The following FERMT2 variants were observed in gnomAD, a reference collection of about 807,000 sequenced individuals.
FERMT2 encodes the protein fermitin family homolog 2.
Under a neutral mutation model 82.7 loss-of-function variants are expected in FERMT2, and 15 were observed. The ratio of observed to expected loss-of-function variants is 0.18; its 90% CI spans 0.12 to 0.28. The LOEUF is 0.28. FERMT2 is among the 10% of genes least tolerant of loss of function. The pLI, the probability that FERMT2 is intolerant of heterozygous loss-of-function variation, is 1.00. For synonymous variants in FERMT2, 274 were observed against 271.5 expected (o/e 1.01, Z -0.09); for missense variants, 645 against 809.4 (o/e 0.80, Z 2.46).
intron 3 of FERMT2, among the ~76,000 whole-genome samples, chr14:52,903,251 TAGG>T (rs1233087757): frequency 1.3e-5 from 2 of 151,702 alleles, no homozygotes; most frequent in Non-Finnish European, 2.9e-5. Flanking sequence ...AGAACACTAT[TAGG>T]AGGCCAGGCA....
At chr14:52,901,300 A>AAAG (rs1482817559) in intron 3 of FERMT2, among the ~76,000 whole-genome samples, 1 of 148,974 alleles carries the variant, frequency 6.7e-6, no homozygotes, top group African/African-American at 2.5e-5. Flanking sequence ...AAAAAAAAAA[A>AAAG]GCCCCAGCAT....
At chr14:52,888,079 G>A (rs1886717650) in intron 4 of FERMT2, among the ~76,000 whole-genome samples, 1 of 151,842 alleles carries the variant, frequency 6.6e-6, no homozygotes, top group African/African-American at 2.4e-5. Context: ...TTTCTATGTG[G>A]CTAAATTTTC....
At position 52,919,478 on chromosome 14, in the gene FERMT2, A is replaced by C. The variant is rs145645358; in HGVS notation, c.158-122T>G. ...AATAATTAACTACTAAGTTACTGTT[A>C]TGTGACAGGTACAAAAGAAACATTA... is the stretch of plus-strand genomic sequence containing the variant. On this transcript the variant is annotated intron_variant, in intron 2 of 14. Coordinates refer to ENST00000341590, the MANE Select transcript of FERMT2 (RefSeq NM_006832.3). 487 of 663,822 alleles carry C rather than the reference A, an allele frequency of 7.3e-4. 5 individuals carry two copies. In the East Asian group the frequency reaches 9.2e-3, roughly 12 times the overall value. The allele number at this position is 663,822 out of a possible 1,614,324, so 41.1% of individuals were successfully genotyped here.
intron 3 of FERMT2, among the ~76,000 whole-genome samples, chr14:52,899,280 TTTTA>T (rs1411669607): frequency 6.8e-6 from 1 of 147,028 alleles, no homozygotes; most frequent in African/African-American, 2.6e-5. Flanking sequence ...TGATTCCAGC[TTTTA>T]TTTATTTATT....
rs2140109929 is a variant in FERMT2 at position 52,878,577 on chromosome 14, A to C, written c.963+5T>G. ...TAAGTCCCATTTACTAGACCTTTCAACTACCTGCAGGGCTGCAAACATCAT... is the reference window on the plus strand; with the variant it reads ...TAAGTCCCATTTACTAGACCTTTCACCTACCTGCAGGGCTGCAAACATCAT... On this transcript the variant is annotated splice_donor_5th_base_variant and intron_variant, in intron 7 of 14. Transcript: ENST00000341590. The C allele has an allele frequency of 6.3e-7, 1 of 1,590,426 alleles. No individual in the cohort carries two copies. Among genetic ancestry groups the C allele is most frequent in the Non-Finnish European group, 8.6e-7 (1 of 1,162,534 alleles).
intron 13 of FERMT2, chr14:52,860,084 T>G (rs1170738105): frequency 2.7e-6 from 1 of 369,090 alleles, no homozygotes; most frequent in Non-Finnish European, 4.9e-6. Flanking sequence ...CCCACAGTGC[T>G]GCGATTACAG....
chr14:52,907,762 C>G (rs2139601248), intron 3 of FERMT2, among the ~76,000 whole-genome samples: 1 of 151,500 alleles, frequency 6.6e-6, no homozygotes, highest in African/African-American at 2.4e-5. Flanking sequence ...ATAATCAAAA[C>G]AACCACCCCC....
intron 3 of FERMT2, among the ~76,000 whole-genome samples, chr14:52,900,834 A>G (rs755751087): frequency 5.3e-5 from 8 of 152,256 alleles, no homozygotes; most frequent in Non-Finnish European, 1.2e-4. Context: ...CTTTACAAAC[A>G]GAACCTGAAT....
At chr14:52,916,451 A>T (rs1357060370) in intron 3 of FERMT2, among the ~76,000 whole-genome samples, 1 of 152,228 alleles carries the variant, frequency 6.6e-6, no homozygotes, top group Non-Finnish European at 1.5e-5. Context: ...ACCAATATGA[A>T]AAGGCTACAT....
At chr14:52,879,792 TAA>T (rs892753287) in intron 6 of FERMT2, among the ~76,000 whole-genome samples, 22 of 152,130 alleles carry the variant, frequency 1.4e-4, no homozygotes, top group African/African-American at 5.3e-4. Context: ...GAAAGAGAAG[TAA>T]AAGATTCAAA....
At position 52,900,251 on chromosome 14, in the gene FERMT2, G is replaced by A. The variant is rs116882692; in HGVS notation, c.392-6824C>T. ...CTCAGCCTCCCAAAATACTGGGAAT[G>A]CAGCAGGCCTGAGCCACTACACCCA... On this transcript the variant is annotated intron_variant, in intron 3 of 14. Coordinates refer to ENST00000341590, the MANE Select transcript of FERMT2 (RefSeq NM_006832.3). 5.0e-3 allele frequency among the ~76,000 whole-genome samples: 765 copies of A among 152,102 alleles called. 4 individuals carry two copies. The highest frequency in any genetic ancestry group is 0.01 in the Middle Eastern group (3 of 294).
intron 2 of FERMT2, among the ~76,000 whole-genome samples, chr14:52,949,276 T>A (rs1890501006): frequency 1.3e-5 from 2 of 152,166 alleles, no homozygotes; most frequent in African/African-American, 4.8e-5. Context: ...GAGTGCTATT[T>A]CAGTACCTTT....
chr14:52,899,983 C>A (rs1887526999), intron 3 of FERMT2, among the ~76,000 whole-genome samples: 1 of 152,114 alleles, frequency 6.6e-6, no homozygotes. Context: ...ATAGCCATAC[C>A]AAAATACTAT....
intron 2 of FERMT2, among the ~76,000 whole-genome samples, chr14:52,927,594 A>T (rs1889354004): frequency 2.0e-5 from 2 of 98,560 alleles, no homozygotes; most frequent in Non-Finnish European, 4.4e-5. Flanking sequence ...CATCCCTATA[A>T]AAAAAAAAAA....
At chr14:52,862,444 G>C (rs765910074) in intron 12 of FERMT2, 1 of 152,310 alleles carries the variant, frequency 6.6e-6, no homozygotes, top group Non-Finnish European at 1.5e-5. Flanking sequence ...AAGGCAGGCA[G>C]ATCACTTGAG....
chr14:52,886,002 G>GT (rs1222085056), intron 4 of FERMT2, among the ~76,000 whole-genome samples: 1 of 150,092 alleles, frequency 6.7e-6, no homozygotes, highest in Non-Finnish European at 1.5e-5. Flanking sequence ...ATAAAGGGAA[G>GT]TAACACATTA....
At chr14:52,880,501 T>G (rs977502236) in intron 6 of FERMT2, among the ~76,000 whole-genome samples, 3 of 152,190 alleles carry the variant, frequency 2.0e-5, no homozygotes, top group Middle Eastern at 3.4e-3. Context: ...CAGGTTCAAG[T>G]GATTCTCCTG....
intron 10 of FERMT2, chr14:52,871,402 A>G (rs1885614580): frequency 6.7e-6 from 1 of 149,140 alleles, no homozygotes; most frequent in Non-Finnish European, 1.5e-5. Flanking sequence ...AGTGGTCCTC[A>G]GGGGATACAG....
At chr14:52,941,683 ATTAT>A (rs1426967798) in intron 2 of FERMT2, among the ~76,000 whole-genome samples, 1 of 152,250 alleles carries the variant, frequency 6.6e-6, no homozygotes, top group African/African-American at 2.4e-5. Context: ...CAGTAAAATA[ATTAT>A]TTAAATAGGA....
Sources: gnomAD v4.1 joint callset for allele counts (sites outside exome capture counted in the v4.1 genomes callset) on GRCh38, gnomAD v4.1.1 for gene constraint, MANE v1.5 for transcripts, NCBI Gene and HGNC (gene_info 2026-07-23, HGNC 2026-07-21) for gene names.